The following LMNA variants were observed in gnomAD, a reference collection of about 807,000 sequenced individuals.
LMNA encodes lamin.
Under a neutral mutation model 70.4 loss-of-function variants are expected in LMNA, and 20 were observed. The observed-to-expected ratio is 0.28, with a 90% confidence interval of 0.20 to 0.41. LMNA has a LOEUF of 0.41. LMNA is among the 10% of genes least tolerant of loss of function. The probability of loss-of-function intolerance (pLI) is 1.00; values close to 1 mark genes in which losing one functional copy is unlikely to be tolerated. For missense variants in LMNA, 652 were observed against 917.2 expected (o/e 0.71, Z 3.73); for synonymous variants, 339 against 372.8 (o/e 0.91, Z 1.04).
chr1:156,117,469 A>T (rs920016260), intron 1 of LMNA, among the ~76,000 whole-genome samples: 1 of 152,072 alleles, frequency 6.6e-6, no homozygotes, highest in African/African-American at 2.4e-5. Context: ...TCCTGACCTC[A>T]AGTGATCTGC....
In LMNA at chr1:156,138,674, G is replaced by GT; in HGVS notation, c.1886dup (p.Ser632GlnfsTer72). Reference sequence around the variant, plus strand: ...CACGGTCACTCGCAGCTACCGCAGTGTGGGGGGCAGTGGGGGTGGCAGCTT... The same window carrying GT: ...CACGGTCACTCGCAGCTACCGCAGTGTTGGGGGGCAGTGGGGGTGGCAGCTT... On this transcript the variant is annotated frameshift_variant, in exon 11 of 12. Transcript: ENST00000368300. LOFTEE classifies it high-confidence loss of function. This position sits in a 1 kb window ranked among gnomAD's most constrained non-coding sequence, Gnocchi z 5.5. 6.2e-7 allele frequency: 1 copy of GT among 1,613,712 alleles called. No homozygotes were observed.
chr1:156,139,744 C>T lies in LMNA; in HGVS notation c.*638C>T, dbSNP rs1402094351. ...AGTCCATTCTCCCAGGTACCAGCTG[C>T]GCTTGCTTTTCTGTATTTTATTTAG... On this transcript the variant is annotated 3_prime_UTR_variant, in exon 12 of 12. Transcript: ENST00000368300. The T allele has an allele frequency of 4.6e-6, 7 of 1,532,830 alleles. No homozygotes were observed. The highest frequency in any genetic ancestry group is 1.4e-5 in the African/African-American group (1 of 73,008). 95.0% of individuals were successfully genotyped at this position (1,532,830 alleles called of 1,614,324 possible). A position where few individuals can be genotyped will look rare whatever the true frequency, so the allele number is the denominator to read the frequency against.
intron 1 of LMNA, chr1:156,126,959 G>C: frequency 6.6e-7 from 1 of 1,518,760 alleles, no homozygotes; most frequent in Non-Finnish European, 8.9e-7. Flanking sequence ...GGTATTGTGT[G>C]CCTGAGCATG....
At chr1:156,131,250 AAC>A (rs1651035962) in intron 2 of LMNA, among the ~76,000 whole-genome samples, 1 of 151,530 alleles carries the variant, frequency 6.6e-6, no homozygotes. Context: ...CAGCCTGGGC[AAC>A]AGAGTGAGAC....
At chr1:156,131,940 C>T (rs2485667) in intron 2 of LMNA, among the ~76,000 whole-genome samples, 16,442 of 152,076 alleles carry the variant, frequency 0.11, 1,666 homozygotes, top group African/African-American at 0.27. Flanking sequence ...GAGGCCAAGG[C>T]GGGTGGATCA....
intron 2 of LMNA, among the ~76,000 whole-genome samples, chr1:156,087,544 A>ATTTTC (rs1156697732): frequency 5.6e-5 from 8 of 142,518 alleles, no homozygotes; most frequent in South Asian, 2.2e-4. Context: ...CCCGGCTCCC[A>ATTTTC]TTTTCTTTTC....
In LMNA at chr1:156,138,268, T is replaced by C. The variant is rs1651840155; in HGVS notation, c.1699-220T>C. On this transcript the variant is annotated intron_variant, in intron 10 of 11. Coordinates refer to ENST00000368300, the MANE Select transcript of LMNA (RefSeq NM_170707.4). The surrounding 1 kb of genome is among the most constrained non-coding windows in gnomAD (Gnocchi z 5.5). ...AGAGTCAGAGTCACTGCTCTGGTTCTCTGTCCCCAAGTCTTCCTGAGCCTT... is the reference window on the plus strand; with the variant it reads ...AGAGTCAGAGTCACTGCTCTGGTTCCCTGTCCCCAAGTCTTCCTGAGCCTT... The C allele has an allele frequency of 1.7e-6, 1 of 601,828 alleles. No homozygotes were observed. Among genetic ancestry groups the C allele is most frequent in the Admixed American group, 2.9e-5 (1 of 33,922 alleles). 37.3% of individuals were successfully genotyped at this position (601,828 alleles called of 1,614,324 possible).
chr1:156,135,040 G>A lies in LMNA; in HGVS notation c.810+65G>A. On this transcript the variant is annotated intron_variant, in intron 4 of 11. Transcript: ENST00000368300. This position sits in a 1 kb window ranked among gnomAD's most constrained non-coding sequence, Gnocchi z 4.8. ...TGGCAGCCCTACCCTTACCCACGCT[G>A]GGCTATGCCTTCTGGGGATCAGGCA... is the stretch of plus-strand genomic sequence containing the variant. The A allele has an allele frequency of 6.2e-7, 1 of 1,611,522 alleles. No homozygotes were observed. Among genetic ancestry groups the A allele is most frequent in the Non-Finnish European group, 8.5e-7 (1 of 1,178,116 alleles).
chr1:156,135,161 T>C lies in LMNA; in HGVS notation c.811-26T>C. The C allele has an allele frequency of 6.2e-7, 1 of 1,613,948 alleles. No homozygotes were observed. The highest frequency in any genetic ancestry group is 1.1e-5 in the South Asian group (1 of 91,072). ...CCTCCACCCCTCCCAGTCACCACAG[T>C]CCTAACCCTTTGTCCTCCCCTCCAG... On this transcript the variant is annotated intron_variant, in intron 4 of 11. Coordinates refer to ENST00000368300, the MANE Select transcript of LMNA (RefSeq NM_170707.4). This position sits in a 1 kb window ranked among gnomAD's most constrained non-coding sequence, Gnocchi z 4.8.
At chr1:156,131,749 G>A (rs1356472548) in intron 2 of LMNA, among the ~76,000 whole-genome samples, 1 of 152,232 alleles carries the variant, frequency 6.6e-6, no homozygotes, top group African/African-American at 2.4e-5. Context: ...GAGGACTGGA[G>A]TTGATCATTT....
chr1:156,103,768 T>C lies in LMNA; in HGVS notation c.-206-10945T>C, dbSNP rs939418960. Among the ~76,000 whole-genome samples, 6 of 152,098 alleles carry C rather than the reference T, an allele frequency of 3.9e-5. No homozygotes were observed. Among genetic ancestry groups the C allele is most frequent in the African/African-American group, 1.4e-4 (6 of 41,416 alleles). On this transcript the variant is annotated intron_variant, in intron 3 of 12. Transcript: ENST00000368301. The surrounding 1 kb of genome is among the most constrained non-coding windows in gnomAD (Gnocchi z 4.7). ...CATCACAGGGCCACATCTGGCTCCA[T>C]TTGAACATACCCCACCCTCCCTGCT...
At chr1:156,101,485 A>G (rs1649135406) in intron 3 of LMNA, among the ~76,000 whole-genome samples, 1 of 152,100 alleles carries the variant, frequency 6.6e-6, no homozygotes, top group African/African-American at 2.4e-5. Context: ...ACAAAGCAAG[A>G]TCCTGTCTCA....
chr1:156,114,795 A>G lies in LMNA; in HGVS notation c.-124A>G. ...CCCGGCCCAGATCCCCACGCCTGCCAGGAGCAAGCCGAGAGCCAGCCGGCC... is the reference window on the plus strand; with the variant it reads ...CCCGGCCCAGATCCCCACGCCTGCCGGGAGCAAGCCGAGAGCCAGCCGGCC... On this transcript the variant is annotated 5_prime_UTR_variant, in exon 1 of 12. Transcript: ENST00000368300. The G allele has an allele frequency of 1.5e-6, 1 of 683,338 alleles. No individual in the cohort carries two copies. Among genetic ancestry groups the G allele is most frequent in the Non-Finnish European group, 2.4e-6 (1 of 421,572 alleles). 42.3% of individuals were successfully genotyped at this position (683,338 alleles called of 1,614,324 possible). A position where few individuals can be genotyped will look rare whatever the true frequency, so the allele number is the denominator to read the frequency against.
chr1:156,100,512 G>A (rs1362622880), intron 3 of LMNA, among the ~76,000 whole-genome samples: 1 of 152,060 alleles, frequency 6.6e-6, no homozygotes, highest in Non-Finnish European at 1.5e-5. Context: ...TCTCTAAACA[G>A]TAGCTCTCCT....
At chr1:156,126,533 T>A in intron 1 of LMNA, 1 of 724,202 alleles carries the variant, frequency 1.4e-6, no homozygotes, top group Non-Finnish European at 2.5e-6. Context: ...GCCCCTTTGC[T>A]GTGCTGGTGC....
intron 3 of LMNA, among the ~76,000 whole-genome samples, chr1:156,106,134 C>CA (rs55841698): frequency 0.13 from 17,228 of 135,416 alleles, 1,687 homozygotes; most frequent in African/African-American, 0.26. Context: ...GACTCCGTCT[C>CA]AAAAAAAAAA....
intron 1 of LMNA, chr1:156,126,886 C>G: frequency 1.9e-6 from 3 of 1,610,732 alleles, no homozygotes; most frequent in African/African-American, 1.3e-5. Flanking sequence ...CGGCCTGGGG[C>G]AGGACACGGG....
intron 3 of LMNA, chr1:156,093,705 C>G (rs140499677): frequency 3.9e-5 from 6 of 152,296 alleles, no homozygotes; most frequent in Non-Finnish European, 7.3e-5. Flanking sequence ...TTCTGTTTCC[C>G]CAGTACACGG....
rs913335917 is a variant in LMNA, at chr1:156,114,806, G to A, written c.-113G>A. The A allele has an allele frequency of 1.2e-5, 9 of 740,604 alleles. No homozygotes were observed. The African/African-American group carries it at 1.7e-4, about 14-fold the overall frequency. The allele number at this position is 740,604 out of a possible 1,614,324, so 45.9% of individuals were successfully genotyped here. On this transcript the variant is annotated 5_prime_UTR_variant, in exon 1 of 12. Transcript: ENST00000368300. ...TCCCCACGCCTGCCAGGAGCAAGCC[G>A]AGAGCCAGCCGGCCGGCGCACTCCG...
Sources: allele counts gnomAD v4.1 joint callset (sites outside exome capture counted in the v4.1 genomes callset), GRCh38; gene constraint gnomAD v4.1.1; non-coding constraint Gnocchi (gnomAD v3.1); transcripts MANE v1.5; gene names NCBI Gene and HGNC (gene_info 2026-07-23, HGNC 2026-07-21).